The following PLEKHH2 variants were observed in gnomAD, a reference collection of about 807,000 sequenced individuals.
PLEKHH2 encodes the protein pleckstrin homology, MyTH4 and FERM domain containing H2, also known as pleckstrin homology domain-containing family H member 2.
Under a neutral mutation model 187.9 loss-of-function variants are expected in PLEKHH2, and 129 were observed. The observed-to-expected ratio is 0.69, with a 90% CI of 0.59 to 0.79. PLEKHH2 has a LOEUF of 0.79. PLEKHH2 is among the 30% of genes least tolerant of loss of function. The probability of loss-of-function intolerance (pLI) is 0.00; values close to 1 mark genes in which losing one functional copy is unlikely to be tolerated. For synonymous variants in PLEKHH2, 686 were observed against 605.6 expected, an observed-to-expected ratio of 1.13 and a Z score of -1.95; for missense variants, 2,076 against 1,751.2, an observed-to-expected ratio of 1.19 and a Z score of -3.31.
intron 2 of PLEKHH2, among the ~76,000 whole-genome samples, chr2:43,649,970 C>A (rs2104344573): frequency 6.6e-6 from 1 of 152,238 alleles, no homozygotes; most frequent in African/African-American, 2.4e-5. Context: ...TTTCCCTCTG[C>A]CACTTGCTGC....
At chr2:43,637,500 G>A (rs941051516) in intron 1 of PLEKHH2, 121 bp downstream of exon 1, 1 of 152,542 alleles carries the variant, frequency 6.6e-6, no homozygotes, top group Non-Finnish European at 1.5e-5. Context: ...GCCGGGAGGA[G>A]CGGGAAGGCG....
chr2:43,692,750 TATATTTGGGGAGAA>T, intron 4 of PLEKHH2, 87 bp downstream of exon 4: 3 of 1,395,130 alleles, frequency 2.2e-6, no homozygotes, highest in Non-Finnish European at 2.0e-6. Flanking sequence ...CCTAAATTTC[TATATTTGGGGAGAA>T]ATATTGCTTA....
chr2:43,684,751 A>G (rs1241168846), intron 3 of PLEKHH2, among the ~76,000 whole-genome samples: 2 of 149,842 alleles, frequency 1.3e-5, no homozygotes, highest in Non-Finnish European at 3.0e-5. Context: ...ATTTAATTCT[A>G]TGTGCTATAT....
At chr2:43,641,023 G>A (rs1665888938) in intron 1 of PLEKHH2, among the ~76,000 whole-genome samples, 1 of 148,974 alleles carries the variant, frequency 6.7e-6, no homozygotes, top group African/African-American at 2.5e-5. Context: ...AAACTCATGA[G>A]CTCAGGCAGT....
intron 2 of PLEKHH2, among the ~76,000 whole-genome samples, chr2:43,672,979 T>C (rs149560459): frequency 1.5e-3 from 230 of 152,350 alleles, no homozygotes; most frequent in African/African-American, 5.3e-3. Flanking sequence ...TTTCCCTCAA[T>C]ATATCATTTA....
At chr2:43,720,394 T>C (rs530624289) in intron 15 of PLEKHH2, among the ~76,000 whole-genome samples, 46 of 152,148 alleles carry the variant, frequency 3.0e-4, no homozygotes, top group Non-Finnish European at 6.2e-4. Flanking sequence ...ATCACCCAGG[T>C]AGTGAGCATA....
chr2:43,690,362 T>C (rs1421605391), intron 3 of PLEKHH2, among the ~76,000 whole-genome samples: 1 of 152,188 alleles, frequency 6.6e-6, no homozygotes, highest in African/African-American at 2.4e-5. Context: ...TTTTTTGTGC[T>C]TTTATTTTCC....
intron 2 of PLEKHH2, among the ~76,000 whole-genome samples, chr2:43,658,366 A>T (rs1183332852): frequency 6.6e-6 from 1 of 152,232 alleles, no homozygotes; most frequent in African/African-American, 2.4e-5. Context: ...AGTATAGTTT[A>T]CTTCATCTGT....
intron 1 of PLEKHH2, among the ~76,000 whole-genome samples, chr2:43,643,892 G>C (rs1666064979): frequency 6.6e-6 from 1 of 152,004 alleles, no homozygotes; most frequent in African/African-American, 2.4e-5. Context: ...CTTGCATCTT[G>C]TCCTCCCCCT....
Position 43,738,535 on chromosome 2 carries a change from T to A in PLEKHH2, c.3123+15T>A. 6.3e-7 allele frequency: 1 copy of A among 1,585,610 alleles called. No individual in the cohort carries two copies. The highest frequency in any genetic ancestry group is 8.6e-7 in the Non-Finnish European group (1 of 1,161,610). On this transcript the variant is annotated intron_variant, in intron 20 of 29. Coordinates refer to ENST00000282406, the MANE Select transcript of PLEKHH2 (RefSeq NM_172069.4). Reference sequence around the variant, plus strand: ...GACCATTGCAGGTAGATATTAATATTGATACATATACATGCAATTTAAAGT... The same window carrying A: ...GACCATTGCAGGTAGATATTAATATAGATACATATACATGCAATTTAAAGT...
chr2:43,651,990 G>A (rs1666497668), intron 2 of PLEKHH2, among the ~76,000 whole-genome samples: 1 of 152,058 alleles, frequency 6.6e-6, no homozygotes, highest in African/African-American at 2.4e-5. Context: ...TTTAAGAATA[G>A]GACACCTGCA....
Position 43,726,269 on chromosome 2 carries a change from T to C in PLEKHH2, c.2542-3T>C, listed in dbSNP as rs201766751. On this transcript the variant is annotated splice_region_variant and splice_polypyrimidine_tract_variant and intron_variant, in intron 16 of 29. Coordinates refer to ENST00000282406, the MANE Select transcript of PLEKHH2 (RefSeq NM_172069.4). ...TCCTCACAATTACTAATATTTACTT[T>C]AGTTTCCTTTAGGTCAGATCAAACT... The C allele has an allele frequency of 1.3e-3, 2,020 of 1,587,880 alleles. 19 individuals carry two copies. Among genetic ancestry groups the C allele is most frequent in the South Asian group, 0.011 (1,015 of 89,574 alleles).
At chr2:43,734,539 A>G (rs1386447559) in intron 19 of PLEKHH2, among the ~76,000 whole-genome samples, 1 of 152,250 alleles carries the variant, frequency 6.6e-6, no homozygotes, top group Non-Finnish European at 1.5e-5. Context: ...GCAAATCAGC[A>G]TCGTAATGAA....
intron 24 of PLEKHH2, among the ~76,000 whole-genome samples, chr2:43,746,828 G>A (rs1223190890): frequency 6.6e-6 from 1 of 152,016 alleles, no homozygotes; most frequent in Admixed American, 6.6e-5. Flanking sequence ...AAATTAGCCA[G>A]GCGTGGTGGC....
At chr2:43,756,361 C>T (rs536267609) in intron 25 of PLEKHH2, among the ~76,000 whole-genome samples, 11 of 152,072 alleles carry the variant, frequency 7.2e-5, no homozygotes, top group Admixed American at 6.5e-4. Flanking sequence ...GGCATGATCT[C>T]GGCTGACTGC....
chr2:43,674,318 G>C (rs541714373), intron 2 of PLEKHH2, among the ~76,000 whole-genome samples: 1 of 152,150 alleles, frequency 6.6e-6, no homozygotes, highest in Admixed American at 6.5e-5. Context: ...GCTAAGTAAG[G>C]CTCCAGAAAA....
Position 43,731,594 on chromosome 2 carries a change from T to C in PLEKHH2, c.2935T>C (p.Leu979=). The C allele has an allele frequency of 6.5e-7, 1 of 1,538,242 alleles. No individual in the cohort carries two copies. The highest frequency in any genetic ancestry group is 8.9e-7 in the Non-Finnish European group (1 of 1,118,390). Residue 979 remains leucine, a synonymous_variant, in exon 19 of 30, where the codon TTA becomes CTA. Coordinates refer to ENST00000282406, the MANE Select transcript of PLEKHH2 (RefSeq NM_172069.4). Reference sequence around the variant, plus strand: ...AGCCCTGCAGACAGAAGCTATTAAATTATTTAAGGTAAAATATTTATATGT... The same window carrying C: ...AGCCCTGCAGACAGAAGCTATTAAACTATTTAAGGTAAAATATTTATATGT... ...SEALQTEAIK[L]FKTCQLFINA...
chr2:43,759,030 G>A lies in PLEKHH2; in HGVS notation c.4071+1G>A. ...TGGTGCCAAGTTGTTTCTTGCAAAA[G>A]TAAGAAAGAATGGGAGAGAGATGCA... On this transcript the variant is annotated splice_donor_variant, in intron 27 of 29. Coordinates refer to ENST00000282406, the MANE Select transcript of PLEKHH2 (RefSeq NM_172069.4). LOFTEE classifies it high-confidence loss of function. 6.2e-7 allele frequency: 1 copy of A among 1,611,614 alleles called. No individual in the cohort carries two copies. The highest frequency in any genetic ancestry group is 8.5e-7 in the Non-Finnish European group (1 of 1,178,262).
chr2:43,678,679 C>A (rs562460057), intron 2 of PLEKHH2, among the ~76,000 whole-genome samples, 184 bp from the exon 3 acceptor site: 13 of 151,398 alleles, frequency 8.6e-5, no homozygotes, highest in African/African-American at 2.4e-4. Flanking sequence ...AGCTTCGGCT[C>A]GGCATCAGAG....
Sources: gnomAD v4.1 joint callset for allele counts (sites outside exome capture counted in the v4.1 genomes callset) on GRCh38, gnomAD v4.1.1 for gene constraint, MANE v1.5 for transcripts, NCBI Gene and HGNC (gene_info 2026-07-23, HGNC 2026-07-21) for gene names.